LRRC20: variants seen among roughly 807,000 people sequenced by gnomAD.
The protein encoded by LRRC20 is leucine-rich repeat-containing protein 20.
A neutral mutation model predicts 14.4 loss-of-function variants in LRRC20; 11 were observed. That is an observed-to-expected ratio of 0.77 (90% CI 0.48 to 1.27). LRRC20 has a LOEUF of 1.27. Ranked by LOEUF, LRRC20 falls within the 50% of genes most tolerant of loss-of-function variation. The pLI, the probability that LRRC20 is intolerant of heterozygous loss-of-function variation, is 0.00. For missense variants in LRRC20, 219 were observed against 251.2 expected (o/e 0.87, Z 0.87); for synonymous variants, 121 against 107.3 (o/e 1.13, Z -0.79).
chr10:70,313,163 A>C (rs1841733211), intron 4 of LRRC20, among the ~76,000 whole-genome samples: 1 of 152,218 alleles, frequency 6.6e-6, no homozygotes, highest in African/African-American at 2.4e-5. Flanking sequence ...ACAGCCAAAT[A>C]AGCAGCTGAA....
Position 70,300,644 on chromosome 10 carries a change from A to G in LRRC20, c.*710T>C. The G allele has an allele frequency of 2.0e-6, 2 of 985,530 alleles. No individual in the cohort carries two copies. The highest frequency in any genetic ancestry group is 2.4e-6 in the Non-Finnish European group (2 of 830,032). 61.0% of individuals were successfully genotyped at this position (985,530 alleles called of 1,614,324 possible). ...AGCACTCAGGACTTCCCACCCCGCCAATTTGTTAACTGTGGGGAATGACAG... is the reference window on the plus strand; with the variant it reads ...AGCACTCAGGACTTCCCACCCCGCCGATTTGTTAACTGTGGGGAATGACAG... On this transcript the variant is annotated 3_prime_UTR_variant, in exon 5 of 5. Transcript: ENST00000446961.
chr10:70,346,246 A>AAAAT (rs889911394), intron 2 of LRRC20, among the ~76,000 whole-genome samples: 2 of 152,138 alleles, frequency 1.3e-5, no homozygotes, highest in African/African-American at 2.4e-5. Context: ...CTGTCTCAAA[A>AAAAT]AAATAAATAA....
At chr10:70,332,299 C>A (rs1564624430) in intron 3 of LRRC20, among the ~76,000 whole-genome samples, 1 of 152,212 alleles carries the variant, frequency 6.6e-6, no homozygotes, top group Admixed American at 6.5e-5. Context: ...GCACTTTTAA[C>A]AAGGTCTGGA....
intron 4 of LRRC20, among the ~76,000 whole-genome samples, chr10:70,302,439 G>T (rs968478924): frequency 2.6e-5 from 4 of 152,214 alleles, no homozygotes; most frequent in African/African-American, 9.6e-5. Flanking sequence ...TAGAACAGAG[G>T]TTCCCAGGGG....
intron 4 of LRRC20, among the ~76,000 whole-genome samples, chr10:70,305,919 T>C (rs1417802075): frequency 1.3e-5 from 2 of 152,078 alleles, no homozygotes; most frequent in African/African-American, 4.8e-5. Context: ...TTTTTATATT[T>C]TTAGTAGAGA....
chr10:70,363,240 G>A (rs1240516677), intron 2 of LRRC20, among the ~76,000 whole-genome samples: 3 of 149,150 alleles, frequency 2.0e-5, no homozygotes, highest in Non-Finnish European at 3.0e-5. Flanking sequence ...TGGGCAAAGG[G>A]AGGGAAGGGT....
rs1324565159 is a variant in LRRC20, at chr10:70,346,469, C to T, written c.83-5767G>A. 2.0e-5 allele frequency among the ~76,000 whole-genome samples: 3 copies of T among 152,148 alleles called. No individual in the cohort carries two copies. In the East Asian group the frequency reaches 5.8e-4, roughly 29 times the overall value. On this transcript the variant is annotated intron_variant, in intron 2 of 4. Transcript: ENST00000446961. ...TGTTTCCCCTATGGAAAATCCTATC[C>T]ATGTCTCACTATTTTTCTACTTGGA...
At chr10:70,311,924 C>T (rs1303748222) in intron 4 of LRRC20, among the ~76,000 whole-genome samples, 1 of 152,238 alleles carries the variant, frequency 6.6e-6, no homozygotes, top group Admixed American at 6.5e-5. Context: ...CTGAGGTCAG[C>T]TTGCCCCCGT....
chr10:70,312,603 G>A (rs1841711097), intron 4 of LRRC20, among the ~76,000 whole-genome samples: 1 of 152,178 alleles, frequency 6.6e-6, no homozygotes, highest in African/African-American at 2.4e-5. Context: ...AAAGCTGGGT[G>A]GACTGGAGTT....
chr10:70,299,027 T>C lies in LRRC20; in HGVS notation c.*2327A>G, dbSNP rs1239182913. On this transcript the variant is annotated 3_prime_UTR_variant, in exon 5 of 5. Transcript: ENST00000446961. ...CTGAAGCTTAGGGGCTCACTCACTGTGAGCTCTGATTTGGGGGCATCTGTG... is the reference window on the plus strand; with the variant it reads ...CTGAAGCTTAGGGGCTCACTCACTGCGAGCTCTGATTTGGGGGCATCTGTG... The C allele has an allele frequency of 6.6e-6, 1 of 152,602 alleles. No homozygotes were observed. Among genetic ancestry groups the C allele is most frequent in the African/African-American group, 2.4e-5 (1 of 41,404 alleles). The allele number at this position is 152,602 out of a possible 1,614,324, so 9.5% of individuals were successfully genotyped here. A position where few individuals can be genotyped will look rare whatever the true frequency, so the allele number is the denominator to read the frequency against.
intron 2 of LRRC20, among the ~76,000 whole-genome samples, chr10:70,341,623 C>T (rs2137022820): frequency 6.6e-6 from 1 of 152,068 alleles, no homozygotes; most frequent in African/African-American, 2.4e-5. Context: ...AAAAAATTAG[C>T]CGGGCATGGT....
intron 4 of LRRC20, among the ~76,000 whole-genome samples, chr10:70,321,571 G>A (rs1008548830): frequency 1.3e-5 from 2 of 152,248 alleles, no homozygotes; most frequent in African/African-American, 4.8e-5. Flanking sequence ...CTCCTGCAGT[G>A]GACAAGGCCC....
Position 70,300,624 on chromosome 10 carries a change from T to C in LRRC20, c.*730A>G. 1.0e-6 allele frequency: 1 copy of C among 985,566 alleles called. No individual in the cohort carries two copies. The highest frequency in any genetic ancestry group is 1.2e-6 in the Non-Finnish European group (1 of 830,046). 61.1% of individuals were successfully genotyped at this position (985,566 alleles called of 1,614,324 possible). A position where few individuals can be genotyped will look rare whatever the true frequency, so the allele number is the denominator to read the frequency against. On this transcript the variant is annotated 3_prime_UTR_variant, in exon 5 of 5. Transcript: ENST00000446961. Reference sequence around the variant, plus strand: ...GAGTGATGCTAGAGGGACGGAGCACTCAGGACTTCCCACCCCGCCAATTTG... The same window carrying C: ...GAGTGATGCTAGAGGGACGGAGCACCCAGGACTTCCCACCCCGCCAATTTG...
At chr10:70,312,892 C>A (rs1017351622) in intron 4 of LRRC20, among the ~76,000 whole-genome samples, 11 of 152,160 alleles carry the variant, frequency 7.2e-5, no homozygotes, top group African/African-American at 2.7e-4. Context: ...TAAGAATCTA[C>A]CAATAAACCT....
chr10:70,313,208 G>A (rs1424036372), intron 4 of LRRC20, among the ~76,000 whole-genome samples: 2 of 152,140 alleles, frequency 1.3e-5, no homozygotes, highest in East Asian at 1.9e-4. Context: ...TATCCTCCCC[G>A]CCCTCTGCAC....
chr10:70,368,641 G>A (rs112339586), intron 2 of LRRC20, among the ~76,000 whole-genome samples: 3 of 151,514 alleles, frequency 2.0e-5, no homozygotes, highest in African/African-American at 7.3e-5. Flanking sequence ...CGGCAGGGGG[G>A]ACTGAGTCTT....
At chr10:70,373,073 G>A (rs992605573) in intron 2 of LRRC20, among the ~76,000 whole-genome samples, 6 of 151,872 alleles carry the variant, frequency 4.0e-5, no homozygotes, top group African/African-American at 2.4e-5. Flanking sequence ...ATTGTGCCAT[G>A]GCACTCCAGC....
chr10:70,312,255 CT>C (rs1841693361), intron 4 of LRRC20, among the ~76,000 whole-genome samples: 1 of 152,190 alleles, frequency 6.6e-6, no homozygotes, highest in South Asian at 2.1e-4. Context: ...TCAAGGACGC[CT>C]TGCTGTGCTG....
intron 4 of LRRC20, among the ~76,000 whole-genome samples, chr10:70,322,904 C>T (rs4747000): frequency 0.29 from 43,975 of 151,432 alleles, 7,115 homozygotes; most frequent in East Asian, 0.48. Context: ...GATGGGCACT[C>T]GCACCACAGG....
Sources: allele counts gnomAD v4.1 joint callset (sites outside exome capture counted in the v4.1 genomes callset), GRCh38; gene constraint gnomAD v4.1.1; transcripts MANE v1.5; gene names NCBI Gene and HGNC (gene_info 2026-07-23, HGNC 2026-07-21).